The following APLN variants were observed in gnomAD, a reference collection of about 807,000 sequenced individuals.
APLN encodes the protein AGTRL1 ligand.
In APLN, 2 loss-of-function variants were observed where a neutral mutation model predicts 4.3. The observed-to-expected ratio is 0.46, with a 90% CI of 0.19 to 1.45. APLN has a LOEUF of 1.45. Among genes scored for constraint, APLN ranks in the 40% most tolerant of loss-of-function variants. APLN has a pLI of 0.25. For missense variants in APLN, 80 were observed against 70.0 expected, an observed-to-expected ratio of 1.14 and a Z score of -0.51; for synonymous variants, 34 against 30.4, an observed-to-expected ratio of 1.12 and a Z score of -0.38.
At chrX:129,653,778 A>G (rs1030775961) in intron 1 of APLN, among the ~76,000 whole-genome samples, 3 of 111,907 alleles carry the variant, frequency 2.7e-5, no homozygotes, top group Non-Finnish European at 5.7e-5. Flanking sequence ...AGCGGCAGGG[A>G]GACTAAAGTG....
At chrX:129,648,019 C>A in intron 2 of APLN, 102 bp from the exon 3 acceptor site, 1 of 922,999 alleles carries the variant, frequency 1.1e-6, no homozygotes. Context: ...TCTCTTTCCC[C>A]CAAACTCCAC....
chrX:129,645,408 A>G lies in APLN; in HGVS notation c.*2515T>C, dbSNP rs971687546. On this transcript the variant is annotated 3_prime_UTR_variant, in exon 3 of 3. Coordinates refer to ENST00000429967, the MANE Select transcript of APLN (RefSeq NM_017413.5). ...ATTTTTCAAGAAAGGCAAACTGGCT[A>G]AAAAGTCCTGAAAGTGTTCAAAAGT... The G allele has an allele frequency of 8.9e-6, 1 of 112,804 alleles. No homozygotes were observed. Among genetic ancestry groups the G allele is most frequent in the Non-Finnish European group, 1.9e-5 (1 of 53,415 alleles). The allele number at this position is 112,804 out of a possible 1,213,427, so 9.3% of individuals were successfully genotyped here. A position where few individuals can be genotyped will look rare whatever the true frequency, so the allele number is the denominator to read the frequency against.
intron 1 of APLN, among the ~76,000 whole-genome samples, chrX:129,650,316 G>GT (rs1055150204): frequency 3.6e-5 from 4 of 110,278 alleles, no homozygotes; most frequent in Non-Finnish European, 7.6e-5. Context: ...CTTGGTTTTT[G>GT]TGAGTCCTCC....
rs1415830279 is a variant in APLN at position 129,654,729 on chromosome X, G to C, written c.-99C>G. 1.6e-6 allele frequency: 1 copy of C among 638,083 alleles called. No individual in the cohort carries two copies. Among genetic ancestry groups the C allele is most frequent in the East Asian group, 5.1e-5 (1 of 19,734 alleles). 52.6% of individuals were successfully genotyped at this position (638,083 alleles called of 1,213,427 possible). On this transcript the variant is annotated 5_prime_UTR_variant, in exon 1 of 3. Transcript: ENST00000429967. ...AAGGCGCGAGCCGCGGCTGGCGCGT[G>C]CGGGCGCAGAGCTCGGGAGGCTCCC...
intron 1 of APLN, 72 bp from the exon 2 acceptor site, chrX:129,648,864 G>A (rs765842751): frequency 1.9e-4 from 184 of 951,999 alleles, no homozygotes; most frequent in Non-Finnish European, 2.3e-4. Flanking sequence ...CCACAGGCCC[G>A]CGGGAGGGGT....
intron 1 of APLN, among the ~76,000 whole-genome samples, chrX:129,649,052 C>A (rs185471651): frequency 8.9e-5 from 10 of 111,979 alleles, no homozygotes; most frequent in African/African-American, 3.2e-4. Flanking sequence ...CTGACAGGCA[C>A]AAGTGGGTTC....
At chrX:129,654,539 G>A in intron 1 of APLN, 25 bp downstream of exon 1, 1 of 1,146,491 alleles carries the variant, frequency 8.7e-7, no homozygotes, top group Non-Finnish European at 1.2e-6. Flanking sequence ...CTGCAGCCCG[G>A]GCGAGCGGGA....
chrX:129,648,738 T>C lies in APLN; in HGVS notation c.122A>G (p.His41Arg). The change falls in exon 2 of 3, where the codon CAC becomes CGC. Residue 41 changes from histidine to arginine, a missense_variant. Transcript: ENST00000429967. ...GNGLEDGNVR[H>R]LVQPRGSRNG... ...CCTTGACCCTCTGGGCTGCACCAGG[T>C]GGCGGACATTGCCGTCTTCCAGCCC... 1 of 1,175,657 alleles carries C rather than the reference T, an allele frequency of 8.5e-7. No individual in the cohort carries two copies. The highest frequency in any genetic ancestry group is 3.2e-5 in the East Asian group (1 of 31,460).
chrX:129,650,898 G>A (rs1054598460), intron 1 of APLN, among the ~76,000 whole-genome samples: 4 of 111,821 alleles, frequency 3.6e-5, no homozygotes, highest in Non-Finnish European at 5.7e-5. Context: ...AGGACCTAGG[G>A]GCCTTGTGAA....
At position 129,648,684 on chromosome X, in the gene APLN, C is replaced by T. The variant is rs377120516; in HGVS notation, c.176G>A (p.Arg59Gln). The T allele has an allele frequency of 2.8e-5, 33 of 1,186,636 alleles. No individual in the cohort carries two copies. Among genetic ancestry groups the T allele is most frequent in the Admixed American group, 9.4e-5 (4 of 42,659 alleles). Reference sequence around the variant, plus strand: ...GGGCCGCTGGCGGCGGAATTTCCTCCGACCTCCCTGCCAGGGCCCTGGCCC... The same window carrying T: ...GGGCCGCTGGCGGCGGAATTTCCTCTGACCTCCCTGCCAGGGCCCTGGCCC... The part of the protein sequence containing the change: ...RNGPGPWQGG[R>Q]RKFRRQRPRL... Residue 59 changes from arginine to glutamine, a missense_variant, in exon 2 of 3, where the codon CGG becomes CAG. Physicochemically the swap from Arg to Gln is conservative, Grantham distance 43. Coordinates refer to ENST00000429967, the MANE Select transcript of APLN (RefSeq NM_017413.5).
chrX:129,654,693 G>A lies in APLN; in HGVS notation c.-63C>T. On this transcript the variant is annotated 5_prime_UTR_variant, in exon 1 of 3. Transcript: ENST00000429967. The stretch of plus-strand genomic sequence containing the variant: ...GCGGGGGAGGAGAGGTCGGGCGCCC[G>A]GAGGCCAAGAAAGGCGCGAGCCGCG... The A allele has an allele frequency of 2.2e-6, 2 of 928,317 alleles. No individual in the cohort carries two copies. Among genetic ancestry groups the A allele is most frequent in the Non-Finnish European group, 2.8e-6 (2 of 725,346 alleles). The allele number at this position is 928,317 out of a possible 1,213,427, so 76.5% of individuals were successfully genotyped here. A position where few individuals can be genotyped will look rare whatever the true frequency, so the allele number is the denominator to read the frequency against.
At chrX:129,650,445 A>T (rs60106611) in intron 1 of APLN, among the ~76,000 whole-genome samples, 3,307 of 110,176 alleles carry the variant, frequency 0.03, 126 homozygotes, top group African/African-American at 0.1. Context: ...ACTCACACCC[A>T]GACATACCCA....
intron 2 of APLN, 44 bp from the exon 3 acceptor site, chrX:129,647,961 T>C (rs1360157960): frequency 1.0e-6 from 1 of 975,444 alleles, no homozygotes; most frequent in Admixed American, 3.1e-5. Flanking sequence ...GGACATATCC[T>C]AGGCCAAAGG....
Position 129,654,726 on chromosome X carries a change from C to T in APLN, c.-96G>A. The T allele has an allele frequency of 3.0e-6, 2 of 662,792 alleles. No individual in the cohort carries two copies. Among genetic ancestry groups the T allele is most frequent in the South Asian group, 1.1e-4 (2 of 17,625 alleles). The allele number at this position is 662,792 out of a possible 1,213,427, so 54.6% of individuals were successfully genotyped here. ...AGAAAGGCGCGAGCCGCGGCTGGCG[C>T]GTGCGGGCGCAGAGCTCGGGAGGCT... On this transcript the variant is annotated 5_prime_UTR_variant, in exon 1 of 3. Transcript: ENST00000429967.
chrX:129,650,973 G>C (rs1936975192), intron 1 of APLN, among the ~76,000 whole-genome samples: 1 of 111,852 alleles, frequency 8.9e-6, no homozygotes, highest in African/African-American at 3.3e-5. Flanking sequence ...CAGAAGGGAT[G>C]GGGCAGTGGT....
chrX:129,649,597 G>T (rs748543510), intron 1 of APLN, among the ~76,000 whole-genome samples: 1 of 111,635 alleles, frequency 9.0e-6, no homozygotes, highest in Admixed American at 9.5e-5. Flanking sequence ...TGAAACAATG[G>T]TCACCTTCAG....
At chrX:129,648,208 T>C (rs1936953584) in intron 2 of APLN, among the ~76,000 whole-genome samples, 1 of 111,781 alleles carries the variant, frequency 8.9e-6, no homozygotes, top group Non-Finnish European at 1.9e-5. Context: ...CCTCTTGTTC[T>C]CTGCCTGAGA....
rs3115759 is a variant in APLN, at chrX:129,647,539, C to T, written c.*384G>A. 0.14 allele frequency: 121,136 copies of T among 886,214 alleles called. 16,081 individuals are homozygous for T. Among genetic ancestry groups the T allele is most frequent in the African/African-American group, 0.77 (36,412 of 47,081 alleles). 73.0% of individuals were successfully genotyped at this position (886,214 alleles called of 1,213,427 possible). A position where few individuals can be genotyped will look rare whatever the true frequency, so the allele number is the denominator to read the frequency against. ...CTGCTGGAGCCCACAGAAGGGAGCA[C>T]TTCCACCCCGCGCTCAGGGCAGACA... On this transcript the variant is annotated 3_prime_UTR_variant, in exon 3 of 3. Transcript: ENST00000429967.
At chrX:129,647,986 G>A (rs1752908893) in intron 2 of APLN, 69 bp from the exon 3 acceptor site, 1 of 961,414 alleles carries the variant, frequency 1.0e-6, no homozygotes, top group Admixed American at 3.2e-5. Flanking sequence ...CCCCAGGAAA[G>A]GAGAGGAGAG....
Sources: gnomAD v4.1 joint callset for allele counts (sites outside exome capture counted in the v4.1 genomes callset) on GRCh38, gnomAD v4.1.1 for gene constraint, MANE v1.5 for transcripts, NCBI Gene and HGNC (gene_info 2026-07-23, HGNC 2026-07-21) for gene names.